LAMB2: variants seen among roughly 807,000 people sequenced by gnomAD.
LAMB2 encodes the protein laminin subunit beta 2, also known as laminin subunit beta-2.
Under a neutral mutation model 202.7 loss-of-function variants are expected in LAMB2, and 119 were observed. That is an observed-to-expected ratio of 0.59 (90% confidence interval 0.51 to 0.68). LAMB2 has a LOEUF of 0.68. Ranked by LOEUF, LAMB2 falls within the 30% of genes least tolerant of loss-of-function variation. The pLI is 0.00. For synonymous variants in LAMB2, 818 were observed against 902.2 expected (o/e 0.91, Z 1.67); for missense variants, 2,124 against 2,410.6 (o/e 0.88, Z 2.49).
rs755612431 is a variant in LAMB2 at position 49,131,152 on chromosome 3, T to G, written c.713A>C (p.Asn238Thr). Reference protein sequence around the residue: ...IPDPYSSRIQNLLKITNLRVN... With the variant: ...IPDPYSSRIQTLLKITNLRVN... Reference sequence around the variant, plus strand: ...CCGTAGGTTGGTGATCTTCAACAGGTCTGAGGCGGGGGAAGGGGGGCCAAC... The same window carrying G: ...CCGTAGGTTGGTGATCTTCAACAGGGCTGAGGCGGGGGAAGGGGGGCCAAC... Residue 238 changes from asparagine (N) to threonine (T), a missense_variant and splice_region_variant, in exon 7 of 32, where the codon AAC becomes ACC. Coordinates refer to ENST00000305544, the MANE Select transcript of LAMB2 (RefSeq NM_002292.4). The surrounding 1 kb of genome is among the most constrained non-coding windows in gnomAD (Gnocchi z 5.0). 22 of 1,613,340 alleles carry G rather than the reference T, an allele frequency of 1.4e-5. No individual in the cohort carries two copies. The highest frequency in any genetic ancestry group is 1.8e-5 in the Non-Finnish European group (21 of 1,179,966).
rs962377082 is a variant in LAMB2 at position 49,132,028 on chromosome 3, G to A, written c.459+88C>T. 5.8e-5 allele frequency: 74 copies of A among 1,278,588 alleles called. No individual in the cohort carries two copies. The Middle Eastern group carries it at 6.0e-4, about 10-fold the overall frequency. 79.2% of individuals were successfully genotyped at this position (1,278,588 alleles called of 1,614,324 possible). A position where few individuals can be genotyped will look rare whatever the true frequency, so the allele number is the denominator to read the frequency against. ...GGAGCCTCCTGCATCCATGCTCAAG[G>A]AGGCTGTGTTAAGGAGCTGAGGCTC... On this transcript the variant is annotated intron_variant, in intron 4 of 31. Transcript: ENST00000305544. This position sits in a 1 kb window ranked among gnomAD's most constrained non-coding sequence, Gnocchi z 4.6.
rs1424617787 is a variant in LAMB2 at position 49,132,387 on chromosome 3, G to C, written c.268C>G (p.Leu90Val). 2 of 1,614,124 alleles carry C rather than the reference G, an allele frequency of 1.2e-6. No individual in the cohort carries two copies. The highest frequency in any genetic ancestry group is 3.3e-5 in the Admixed American group (2 of 60,002). The change falls in exon 3 of 32, where the codon CTT becomes GTT. Residue 90 changes from leucine to valine, a missense_variant. By Grantham distance (32) the Leu-to-Val change is conservative (BLOSUM62 1). Around this residue, in one of 3 missense-constraint regions of LAMB2, gnomAD observed 166 missense variants for 158.2 expected, o/e 1.05. Coordinates refer to ENST00000305544, the MANE Select transcript of LAMB2 (RefSeq NM_002292.4). The surrounding 1 kb of genome is among the most constrained non-coding windows in gnomAD (Gnocchi z 4.6). ...GAGAAGGGGCGCCGGGAGTCACAAA[G>C]GAAGCACTTCTTTTCGTCCTGGGTT... is the stretch of plus-strand genomic sequence containing the variant. ...SHLQDEKKCF[L>V]CDSRRPFSAR... is the part of the protein sequence containing the mutation.
chr3:49,130,601 G>T lies in LAMB2; in HGVS notation c.1036+139C>A. ...CAGACTGCAGAGGAGGATTGAGGGG[G>T]TCCCAAGGGGCATCAAGGTCTGCAT... On this transcript the variant is annotated intron_variant, in intron 8 of 31. Transcript: ENST00000305544. This position sits in a 1 kb window ranked among gnomAD's most constrained non-coding sequence, Gnocchi z 5.0. 3 of 1,418,292 alleles carry T rather than the reference G, an allele frequency of 2.1e-6. No individual in the cohort carries two copies. Among genetic ancestry groups the T allele is most frequent in the Non-Finnish European group, 2.0e-6 (2 of 1,014,158 alleles). 87.9% of individuals were successfully genotyped at this position (1,418,292 alleles called of 1,614,324 possible).
chr3:49,123,828 G>C lies in LAMB2; in HGVS notation c.3697C>G (p.His1233Asp). The C allele has an allele frequency of 6.2e-7, 1 of 1,613,210 alleles. No individual in the cohort carries two copies. Among genetic ancestry groups the C allele is most frequent in the Non-Finnish European group, 8.5e-7 (1 of 1,179,882 alleles). The part of the protein sequence containing the change: ...VLGAFESSFW[H>D]MQEKLGIVQG... ...ACAATGCCCAGCTTCTCCTGCATGT[G>C]CCAGAAGCTGCTCTCAAAGGCACCC... is the stretch of plus-strand genomic sequence containing the variant. The change falls in exon 24 of 32, where the codon CAC becomes GAC. Residue 1233 changes from histidine to aspartate, a missense_variant. His to Asp is a moderately conservative substitution (Grantham distance 81). Coordinates refer to ENST00000305544, the MANE Select transcript of LAMB2 (RefSeq NM_002292.4).
chr3:49,121,725 TTTC>T lies in LAMB2; in HGVS notation c.5056_5058del (p.Glu1686del), dbSNP rs1471125116. On this transcript the variant is annotated inframe_deletion, in exon 30 of 32. Transcript: ENST00000305544. The stretch of plus-strand genomic sequence containing the variant: ...GCACGACCCTGGGCACTGCCTGCCG[TTTC>T]TTCTGCTGTAGAGGCTGCCAGACTA... 1 of 1,613,788 alleles carries T rather than the reference TTTC, an allele frequency of 6.2e-7. No individual in the cohort carries two copies. The highest frequency in any genetic ancestry group is 8.5e-7 in the Non-Finnish European group (1 of 1,180,026).
Position 49,123,262 on chromosome 3 carries a change from C to T in LAMB2, c.4094G>A (p.Arg1365Gln), listed in dbSNP as rs375964293. 58 of 1,614,068 alleles carry T rather than the reference C, an allele frequency of 3.6e-5. No homozygotes were observed. The highest frequency in any genetic ancestry group is 1.6e-4 in the Middle Eastern group (1 of 6,062). ...PSPVSNSASA[R>Q]HRTEALMDAQ... ...ATCCATCAGTGCCTCTGTCCGATGC[C>T]GAGCACTTGCCGAGTTGCTCACAGG... is the stretch of plus-strand genomic sequence containing the variant. The change falls in exon 26 of 32, where the codon CGG becomes CAG. Residue 1365 changes from arginine to glutamine, a missense_variant. This residue lies in a region of LAMB2 where 1,702 missense variants were observed against 1,896.3 expected (regional missense o/e 0.90). Coordinates refer to ENST00000305544, the MANE Select transcript of LAMB2 (RefSeq NM_002292.4).
In LAMB2 at chr3:49,128,595, C is replaced by T. The variant is rs746381319; in HGVS notation, c.1891-10G>A. 33 of 1,614,114 alleles carry T rather than the reference C, an allele frequency of 2.0e-5. No homozygotes were observed. Among genetic ancestry groups the T allele is most frequent in the African/African-American group, 8.0e-5 (6 of 74,950 alleles). On this transcript the variant is annotated splice_polypyrimidine_tract_variant and intron_variant, in intron 14 of 31. Transcript: ENST00000305544. ...CCCATTGCTCAGGGACCTGGGAAAA[C>T]GGGATGATGGAGGAGATGCTCCCAC...
rs1262135477 is a variant in LAMB2, at chr3:49,129,943, AC to A, written c.1300del (p.Val434SerfsTer63). Reference sequence around the variant, plus strand: ...TTCTTTGCAGCGACACTGGCCGGAGACCAGTCCCAGTGCAGGGTCATCATGG... The same window carrying A: ...TTCTTTGCAGCGACACTGGCCGGAGACAGTCCCAGTGCAGGGTCATCATGG... ...DSHDDPALGL[V>X]SGQCRCKEHV... is the part of the protein sequence containing the mutation. On this transcript the variant is annotated frameshift_variant, in exon 10 of 32. Transcript: ENST00000305544. LOFTEE classifies it high-confidence loss of function. The surrounding 1 kb of genome is among the most constrained non-coding windows in gnomAD (Gnocchi z 6.1). The A allele has an allele frequency of 6.2e-7, 1 of 1,613,924 alleles. No homozygotes were observed. Among genetic ancestry groups the A allele is most frequent in the East Asian group, 2.2e-5 (1 of 44,880 alleles).
At position 49,131,946 on chromosome 3, in the gene LAMB2, A is replaced by C. The variant is rs1029500879; in HGVS notation, c.459+170T>G. 6.6e-6 allele frequency among the ~76,000 whole-genome samples: 1 copy of C among 152,198 alleles called. No homozygotes were observed. The highest frequency in any genetic ancestry group is 2.4e-5 in the African/African-American group (1 of 41,440). ...GCGCCTGACCCAGCCTGGGATTGGAAAGGCAGAAGAGCATGTGCAAAGGCC... is the reference window on the plus strand; with the variant it reads ...GCGCCTGACCCAGCCTGGGATTGGACAGGCAGAAGAGCATGTGCAAAGGCC... On this transcript the variant is annotated intron_variant, in intron 4 of 31. Transcript: ENST00000305544. The surrounding 1 kb of genome is among the most constrained non-coding windows in gnomAD (Gnocchi z 5.0).
intron 13 of LAMB2, 45 bp from the exon 14 acceptor site, chr3:49,128,864 G>T: frequency 6.2e-7 from 1 of 1,605,026 alleles, no homozygotes; most frequent in Non-Finnish European, 8.5e-7. Context: ...GTGAGGCTTT[G>T]CCTCTTCTGC....
In LAMB2 at chr3:49,124,204, C is replaced by T; in HGVS notation, c.3410G>A (p.Gly1137Glu). ...GGCTCCCTCACCATGGCACTGCAAC[C>T]CAGGGTCTCCCCAGTGGAGCTCTTG... ...ECQELHWGDP[G>E]LQCHACDCDS... is the part of the protein sequence containing the mutation. The change falls in exon 23 of 32, where the codon GGG (glycine) becomes GAG (glutamate). Residue 1137 changes from glycine to glutamate, a missense_variant. Physicochemically the swap from Gly to Glu is moderately conservative, Grantham distance 98. Transcript: ENST00000305544. 2 of 1,614,060 alleles carry T rather than the reference C, an allele frequency of 1.2e-6. No homozygotes were observed. The highest frequency in any genetic ancestry group is 1.7e-6 in the Non-Finnish European group (2 of 1,179,962).
rs151292828 is a variant in LAMB2, at chr3:49,121,584, G to T, written c.5109C>A (p.Arg1703=). The change falls in exon 31 of 32, where the codon CGC becomes CGA. Residue 1703 remains arginine, a synonymous_variant. Coordinates refer to ENST00000305544, the MANE Select transcript of LAMB2 (RefSeq NM_002292.4). ...TCTGGTACTGATCACCCAGAGGACC[G>T]CGTAGCAGCTGCAGATGTAGAGGGT... The part of the protein sequence containing the change: ...GRAQEAEQLL[R]GPLGDQYQTV... 3 of 1,613,950 alleles carry T rather than the reference G, an allele frequency of 1.9e-6. No individual in the cohort carries two copies. The Middle Eastern group carries it at 4.9e-4, about 266-fold the overall frequency.
At position 49,121,333 on chromosome 3, in the gene LAMB2, G is replaced by A. The variant is rs1231737650; in HGVS notation, c.5290C>T (p.Arg1764Trp). 3 of 1,613,888 alleles carry A rather than the reference G, an allele frequency of 1.9e-6. No individual in the cohort carries two copies. The highest frequency in any genetic ancestry group is 1.3e-5 in the African/African-American group (1 of 74,922). ...ELEGTYEENE[R>W]ALESKAAQLD... is the part of the protein sequence containing the mutation. ...TGGGCTGCCTTACTCTCCAGTGCCC[G>A]CTCATTTTCCTCATAGGTGCCTTCC... Residue 1764 changes from arginine to tryptophan, a missense_variant, in exon 32 of 32, where the codon CGG becomes TGG. Around this residue, in one of 3 missense-constraint regions of LAMB2, gnomAD observed 1,702 missense variants for 1,896.3 expected, o/e 0.90. Transcript: ENST00000305544.
rs762005983 is a variant in LAMB2 at position 49,131,080 on chromosome 3, G to A, written c.785C>T (p.Pro262Leu). Residue 262 changes from proline (P) to leucine (L), a missense_variant, in exon 7 of 32, where the codon CCA becomes CTA. This residue lies in a region of LAMB2 where 256 missense variants were observed against 356.1 expected (regional missense o/e 0.72). Coordinates refer to ENST00000305544, the MANE Select transcript of LAMB2 (RefSeq NM_002292.4). The surrounding 1 kb of genome is among the most constrained non-coding windows in gnomAD (Gnocchi z 5.0). ...GTACTTCTCTCGGATCTCCCTCCGT[G>A]GGTCGAGTAGGTTGTCTCCCAACGT... The part of the protein sequence containing the change: ...LHTLGDNLLD[P>L]RREIREKYYY... The A allele has an allele frequency of 3.1e-6, 5 of 1,613,694 alleles. No homozygotes were observed. Among genetic ancestry groups the A allele is most frequent in the African/African-American group, 2.7e-5 (2 of 74,940 alleles).
intron 15 of LAMB2, among the ~76,000 whole-genome samples, chr3:49,126,773 A>G (rs887321351): frequency 3.3e-5 from 5 of 152,114 alleles, no homozygotes; most frequent in African/African-American, 9.7e-5. Flanking sequence ...AGAACTTGCC[A>G]ATTCTCCTCA....
At chr3:49,126,254 C>T (rs144359233) in intron 16 of LAMB2, 95 bp from the exon 17 acceptor site, 248 of 1,600,696 alleles carry the variant, frequency 1.5e-4, no homozygotes, top group Middle Eastern at 5.1e-4. Flanking sequence ...GCCTGCCCAC[C>T]CTGGCACCAC....
rs2045469598 is a variant in LAMB2 at position 49,130,554 on chromosome 3, C to T, written c.1037-135G>A. On this transcript the variant is annotated intron_variant, in intron 8 of 31. Coordinates refer to ENST00000305544, the MANE Select transcript of LAMB2 (RefSeq NM_002292.4). The surrounding 1 kb of genome is among the most constrained non-coding windows in gnomAD (Gnocchi z 5.0). Reference sequence around the variant, plus strand: ...CTCAGGGACTTCAAGGCCTCAGCATCATACTGGTTCCCTACCCAGAGCAGA... The same window carrying T: ...CTCAGGGACTTCAAGGCCTCAGCATTATACTGGTTCCCTACCCAGAGCAGA... 7.5e-7 allele frequency: 1 copy of T among 1,339,286 alleles called. No homozygotes were observed. Among genetic ancestry groups the T allele is most frequent in the Non-Finnish European group, 1.1e-6 (1 of 940,656 alleles). 83.0% of individuals were successfully genotyped at this position (1,339,286 alleles called of 1,614,324 possible). A position where few individuals can be genotyped will look rare whatever the true frequency, so the allele number is the denominator to read the frequency against.
In LAMB2 at chr3:49,129,789, G is replaced by C. The variant is rs775786226; in HGVS notation, c.1405+50C>G. ...TCATGTTCAGCTGAGTCAGGAGTAA[G>C]AGGACAGGGGTTAAAGGTCAGCATA... On this transcript the variant is annotated intron_variant, in intron 10 of 31. Coordinates refer to ENST00000305544, the MANE Select transcript of LAMB2 (RefSeq NM_002292.4). This position sits in a 1 kb window ranked among gnomAD's most constrained non-coding sequence, Gnocchi z 6.1. The C allele has an allele frequency of 6.2e-7, 1 of 1,611,684 alleles. No individual in the cohort carries two copies. The highest frequency in any genetic ancestry group is 1.1e-5 in the South Asian group (1 of 91,032).
chr3:49,128,914 G>A (rs989088748), intron 13 of LAMB2, 95 bp from the exon 14 acceptor site: 36 of 1,597,184 alleles, frequency 2.3e-5, no homozygotes, highest in Non-Finnish European at 3.0e-5. Flanking sequence ...GCCAAAGCTA[G>A]ATATCACCCC....
Sources: allele counts gnomAD v4.1 joint callset (sites outside exome capture counted in the v4.1 genomes callset), GRCh38; gene constraint gnomAD v4.1.1; regional missense constraint gnomAD v4.1.1; non-coding constraint Gnocchi (gnomAD v3.1); transcripts MANE v1.5; gene names NCBI Gene and HGNC (gene_info 2026-07-23, HGNC 2026-07-21).